ACTR3C: variants seen among roughly 807,000 people sequenced by gnomAD.
ACTR3C encodes the protein actin related protein 3C.
ACTR3C carries 18 observed loss-of-function variants against 26.3 expected under a neutral mutation model. The ratio of observed to expected loss-of-function variants is 0.68; its 90% CI spans 0.47 to 1.01. The LOEUF (loss-of-function observed/expected upper bound fraction) is 1.01. ACTR3C is among the 50% of genes least tolerant of loss of function. The pLI, the probability that ACTR3C is intolerant of heterozygous loss-of-function variation, is 0.00. For missense variants in ACTR3C, 184 were observed against 250.7 expected (o/e 0.73, Z 1.80); for synonymous variants, 55 against 94.5 (o/e 0.58, Z 2.42).
At chr7:150,284,990 A>T (rs1835656476) in intron 5 of ACTR3C, 145 bp from the exon 6 acceptor site, 4 of 846,758 alleles carry the variant, frequency 4.7e-6, no homozygotes, top group Non-Finnish European at 6.9e-6. Flanking sequence ...ATGTCAAATG[A>T]ATCCCATGTG....
the ACTR3C span, among the ~76,000 whole-genome samples, chr7:150,035,766 C>G: frequency 7.2e-6 from 1 of 138,044 alleles, no homozygotes; most frequent in Non-Finnish European, 1.6e-5. Context: ...TGCGTCCCCC[C>G]TCTGCGATGG....
intron 1 of ACTR3C, among the ~76,000 whole-genome samples, chr7:150,310,853 C>CT (rs1796253580): frequency 1.3e-5 from 2 of 152,194 alleles, no homozygotes; most frequent in South Asian, 4.1e-4. Flanking sequence ...CAGCAGAACA[C>CT]TATCCTACTT....
the ACTR3C span, among the ~76,000 whole-genome samples, chr7:149,942,761 T>G: frequency 1.9e-3 from 280 of 149,332 alleles, 3 homozygotes; most frequent in African/African-American, 6.9e-3. Flanking sequence ...GACCTTTTCT[T>G]CTTGGTCATA....
At chr7:150,173,080 G>A in the ACTR3C span, among the ~76,000 whole-genome samples, 1 of 150,152 alleles carries the variant, frequency 6.7e-6, no homozygotes, top group East Asian at 1.9e-4. Context: ...CCATTCTAGG[G>A]TCTGGAGGAC....
chr7:150,045,577 A>T, the ACTR3C span, among the ~76,000 whole-genome samples: 4 of 152,186 alleles, frequency 2.6e-5, no homozygotes, highest in Non-Finnish European at 5.9e-5. Context: ...AAAAAAAAAA[A>T]AGCATGTCAG....
chr7:150,052,182 CA>C, the ACTR3C span, among the ~76,000 whole-genome samples: 1,305 of 150,770 alleles, frequency 8.7e-3, 2 homozygotes, highest in African/African-American at 0.03. Context: ...TGAGAAAACA[CA>C]ATGCTAAATG....
chr7:149,886,877 T>G, the ACTR3C span, among the ~76,000 whole-genome samples: 260 of 152,116 alleles, frequency 1.7e-3, 2 homozygotes, highest in Middle Eastern at 0.045. Context: ...GGGGAAATAC[T>G]TGAGCCCAGG....
At chr7:150,149,572 C>T in the ACTR3C span, among the ~76,000 whole-genome samples, 3 of 146,682 alleles carry the variant, frequency 2.0e-5, no homozygotes, top group African/African-American at 7.6e-5. Flanking sequence ...TCAATTCCCA[C>T]CTATGAGTGA....
At chr7:150,034,837 A>G in the ACTR3C span, among the ~76,000 whole-genome samples, 1 of 142,644 alleles carries the variant, frequency 7.0e-6, no homozygotes, top group Non-Finnish European at 1.5e-5. Flanking sequence ...CCCCTCTGCG[A>G]TGGGTGTCCT....
intron 1 of ACTR3C, among the ~76,000 whole-genome samples, chr7:150,313,592 G>C (rs907593309): frequency 3.3e-5 from 5 of 152,176 alleles, no homozygotes; most frequent in Non-Finnish European, 5.9e-5. Flanking sequence ...AGGGAGGGGG[G>C]TACAGTGAGG....
the ACTR3C span, among the ~76,000 whole-genome samples, chr7:150,089,764 A>C: frequency 6.6e-6 from 1 of 152,212 alleles, no homozygotes; most frequent in African/African-American, 2.4e-5. Context: ...CAGTATTTGA[A>C]ATGCCAAATA....
the ACTR3C span, among the ~76,000 whole-genome samples, chr7:150,213,350 T>TA: frequency 6.6e-6 from 1 of 152,154 alleles, no homozygotes; most frequent in Admixed American, 6.5e-5. Flanking sequence ...CCATGTCCCG[T>TA]AGCCTGTGAG....
chr7:150,223,131 A>T, the ACTR3C span, among the ~76,000 whole-genome samples: 1 of 152,058 alleles, frequency 6.6e-6, no homozygotes, highest in Non-Finnish European at 1.5e-5. Context: ...TTTGGATTTT[A>T]TCACCATAGA....
chr7:150,146,228 C>T, the ACTR3C span, among the ~76,000 whole-genome samples: 2 of 151,458 alleles, frequency 1.3e-5, no homozygotes, highest in Non-Finnish European at 2.9e-5. Flanking sequence ...TCCAACATGA[C>T]CCCTATTCTC....
the ACTR3C span, among the ~76,000 whole-genome samples, chr7:150,131,539 A>C: frequency 7.1e-6 from 1 of 141,376 alleles, no homozygotes; most frequent in Non-Finnish European, 1.5e-5. Flanking sequence ...TTTATTCAAG[A>C]AAAAAAATGG....
At chr7:150,225,193 A>G in the ACTR3C span, among the ~76,000 whole-genome samples, 2 of 152,126 alleles carry the variant, frequency 1.3e-5, no homozygotes, top group Admixed American at 6.5e-5. Context: ...TTAGAAACTA[A>G]TATCTGGGCA....
At chr7:150,039,039 G>A in the ACTR3C span, among the ~76,000 whole-genome samples, 20 of 131,990 alleles carry the variant, frequency 1.5e-4, no homozygotes, top group African/African-American at 4.2e-4. Flanking sequence ...GTAATCCCAC[G>A]TAAGGTACCT....
At chr7:150,163,137 G>A in the ACTR3C span, among the ~76,000 whole-genome samples, 1 of 151,048 alleles carries the variant, frequency 6.6e-6, no homozygotes, top group African/African-American at 2.5e-5. Context: ...CTGAGCAACA[G>A]AGTGAGACTC....
chr7:149,972,568 C>T, the ACTR3C span, among the ~76,000 whole-genome samples: 2 of 152,138 alleles, frequency 1.3e-5, no homozygotes, highest in African/African-American at 4.8e-5. Flanking sequence ...CTCATGCTCT[C>T]ACCCTCCTCC....
Sources: allele counts gnomAD v4.1 joint callset (sites outside exome capture counted in the v4.1 genomes callset), GRCh38; gene constraint gnomAD v4.1.1; transcripts MANE v1.5; gene names NCBI Gene and HGNC (gene_info 2026-07-23, HGNC 2026-07-21).